The following TBC1D8 variants were observed in gnomAD, a reference collection of about 807,000 sequenced individuals.
TBC1D8 encodes the protein TBC1 domain family member 8.
TBC1D8 carries 65 observed loss-of-function variants against 118.8 expected under a neutral mutation model. The ratio of observed to expected loss-of-function variants is 0.55; its 90% CI spans 0.45 to 0.67. The LOEUF is 0.67. Ranked by LOEUF, TBC1D8 falls within the 30% of genes least tolerant of loss-of-function variation. TBC1D8 has a pLI of 0.00. For missense variants in TBC1D8, 1,376 were observed against 1,471.2 expected (o/e 0.94, Z 1.06); for synonymous variants, 566 against 595.8 (o/e 0.95, Z 0.73).
intron 1 of TBC1D8, among the ~76,000 whole-genome samples, chr2:101,147,678 C>T (rs937440737): frequency 2.0e-5 from 3 of 152,094 alleles, no homozygotes; most frequent in African/African-American, 7.2e-5. Context: ...GTCTTTTGCT[C>T]ATTTTTCAAT....
chr2:101,061,845 C>A (rs1455405089), intron 2 of TBC1D8, among the ~76,000 whole-genome samples: 1 of 152,212 alleles, frequency 6.6e-6, no homozygotes, highest in Non-Finnish European at 1.5e-5. Flanking sequence ...GCTCCCCATC[C>A]CTCTTACAAT....
rs2105389240 is a variant in TBC1D8, at chr2:101,032,278, G to C, written c.1926C>G (p.His642Gln). Reference protein sequence around the residue: ...CERMLPDYFNHRVIGAQVDQS... With the variant: ...CERMLPDYFNQRVIGAQVDQS... ...AGGGGGTCTGTTTACCGATCACTCGGTGGTTGAAGTAATCGGGCAGCATCC... is the reference window on the plus strand; with the variant it reads ...AGGGGGTCTGTTTACCGATCACTCGCTGGTTGAAGTAATCGGGCAGCATCC... The change falls in exon 11 of 20, where the codon CAC (histidine) becomes CAG (glutamine). Residue 642 changes from histidine (H) to glutamine (Q), a missense_variant. Physicochemically the swap from His to Gln is conservative, Grantham distance 24 (BLOSUM62 0). Coordinates refer to ENST00000409318, the MANE Select transcript of TBC1D8 (RefSeq NM_001330348.2). The C allele has an allele frequency of 6.2e-7, 1 of 1,613,806 alleles. No homozygotes were observed. The highest frequency in any genetic ancestry group is 2.2e-5 in the East Asian group (1 of 44,872).
chr2:101,145,465 G>A (rs1464534305), intron 1 of TBC1D8, among the ~76,000 whole-genome samples: 1 of 152,210 alleles, frequency 6.6e-6, no homozygotes, highest in Non-Finnish European at 1.5e-5. Flanking sequence ...TTAAGTCAAA[G>A]ACTTTCACTG....
intron 7 of TBC1D8, 61 bp from the exon 8 acceptor site, chr2:101,037,769 T>G: frequency 1.9e-6 from 3 of 1,597,340 alleles, no homozygotes; most frequent in Non-Finnish European, 2.6e-6. Context: ...ATGGCTTTAG[T>G]CGAGGGGACA....
intron 17 of TBC1D8, among the ~76,000 whole-genome samples, chr2:101,020,723 T>A (rs1679980578): frequency 6.6e-6 from 1 of 152,142 alleles, no homozygotes; most frequent in African/African-American, 2.4e-5. Flanking sequence ...GTTTGTACAG[T>A]AGTCCCCCTC....
chr2:101,031,586 G>C (rs1376612940), intron 11 of TBC1D8, among the ~76,000 whole-genome samples: 1 of 152,080 alleles, frequency 6.6e-6, no homozygotes, highest in Non-Finnish European at 1.5e-5. Context: ...TTTTTGTATT[G>C]TTTACTAGGA....
In TBC1D8 at chr2:101,007,569, T is replaced by C. The variant is rs533229289; in HGVS notation, c.*252A>G. 1.3e-4 allele frequency: 64 copies of C among 489,476 alleles called. No individual in the cohort carries two copies. Among genetic ancestry groups the C allele is most frequent in the Non-Finnish European group, 2.2e-4 (60 of 274,520 alleles). The allele number at this position is 489,476 out of a possible 1,614,324, so 30.3% of individuals were successfully genotyped here. A position where few individuals can be genotyped will look rare whatever the true frequency, so the allele number is the denominator to read the frequency against. ...TAGCATCACAGCAGAAGTGCCCATT[T>C]CAGCAAATCCGGTAAAAATTGTAAG... is the stretch of plus-strand genomic sequence containing the variant. On this transcript the variant is annotated 3_prime_UTR_variant, in exon 20 of 20. Transcript: ENST00000409318.
At chr2:101,110,183 T>G (rs958162570) in intron 1 of TBC1D8, among the ~76,000 whole-genome samples, 1 of 152,224 alleles carries the variant, frequency 6.6e-6, no homozygotes, top group Admixed American at 6.5e-5. Context: ...CTGGATCTGA[T>G]GCACAGTGAT....
chr2:101,129,144 G>T (rs915172456), intron 1 of TBC1D8, among the ~76,000 whole-genome samples: 36 of 151,778 alleles, frequency 2.4e-4, no homozygotes, highest in African/African-American at 8.2e-4. Context: ...ATTTTGTTTT[G>T]TTTTTTTTAA....
At chr2:101,051,108 A>G (rs1406874393) in intron 4 of TBC1D8, among the ~76,000 whole-genome samples, 1 of 152,228 alleles carries the variant, frequency 6.6e-6, no homozygotes, top group Non-Finnish European at 1.5e-5. Flanking sequence ...TTATGGCTGC[A>G]TAGTATTCCA....
intron 5 of TBC1D8, among the ~76,000 whole-genome samples, chr2:101,042,284 T>C (rs992159438): frequency 6.6e-6 from 1 of 152,114 alleles, no homozygotes; most frequent in Non-Finnish European, 1.5e-5. Flanking sequence ...TTGAAAATAC[T>C]GATCAAGTTA....
intron 1 of TBC1D8, among the ~76,000 whole-genome samples, chr2:101,097,491 A>G (rs558573582): frequency 6.6e-6 from 1 of 152,270 alleles, no homozygotes; most frequent in African/African-American, 2.4e-5. Context: ...CAGCACATGG[A>G]TAAGTGACAT....
chr2:101,080,255 C>T (rs1675173160), intron 2 of TBC1D8, among the ~76,000 whole-genome samples: 3 of 152,172 alleles, frequency 2.0e-5, no homozygotes, highest in Non-Finnish European at 4.4e-5. Context: ...AGTGTAACAA[C>T]TCGCATCGCC....
chr2:101,134,193 T>TCA (rs781003441), intron 1 of TBC1D8, among the ~76,000 whole-genome samples: 4 of 122,382 alleles, frequency 3.3e-5, no homozygotes, highest in South Asian at 5.0e-4. Context: ...TCTCTCTCTC[T>TCA]CTCTCACACA....
chr2:101,140,160 G>C (rs1317576106), intron 1 of TBC1D8, among the ~76,000 whole-genome samples: 1 of 152,080 alleles, frequency 6.6e-6, no homozygotes, highest in Non-Finnish European at 1.5e-5. Context: ...ACCCTACAAA[G>C]AGTGGGTTAT....
intron 5 of TBC1D8, among the ~76,000 whole-genome samples, chr2:101,045,602 G>A (rs920112919): frequency 1.3e-5 from 2 of 152,236 alleles, no homozygotes; most frequent in Admixed American, 6.5e-5. Flanking sequence ...CATGGCTCCT[G>A]CCCTCTTGGA....
At chr2:101,010,003 T>C (rs1679080634) in intron 19 of TBC1D8, among the ~76,000 whole-genome samples, 1 of 151,916 alleles carries the variant, frequency 6.6e-6, no homozygotes, top group Non-Finnish European at 1.5e-5. Flanking sequence ...TTTTTTTGTA[T>C]TTTTAGTAGA....
chr2:101,043,145 T>C (rs1558648111), intron 5 of TBC1D8, among the ~76,000 whole-genome samples: 1 of 152,200 alleles, frequency 6.6e-6, no homozygotes, highest in Non-Finnish European at 1.5e-5. Flanking sequence ...GTCCAGTTCC[T>C]GGGGGCCAAA....
intron 7 of TBC1D8, 36 bp from the exon 8 acceptor site, chr2:101,037,744 G>A: frequency 1.2e-6 from 2 of 1,605,950 alleles, no homozygotes; most frequent in Admixed American, 1.7e-5. Flanking sequence ...GAGAGAGAGA[G>A]GAGAGGAGAA....
Sources: gnomAD v4.1 joint callset for allele counts (sites outside exome capture counted in the v4.1 genomes callset) on GRCh38, gnomAD v4.1.1 for gene constraint, MANE v1.5 for transcripts, NCBI Gene and HGNC (gene_info 2026-07-23, HGNC 2026-07-21) for gene names.